DAB1: variants seen among roughly 807,000 people sequenced by gnomAD.
DAB1 encodes the protein disabled homolog 1.
Under a neutral mutation model 64.6 loss-of-function variants are expected in DAB1, and 15 were observed. The observed-to-expected ratio is 0.23, with a 90% CI of 0.16 to 0.36. The LOEUF (loss-of-function observed/expected upper bound fraction) is 0.36. Ranked by LOEUF, DAB1 falls within the 10% of genes least tolerant of loss-of-function variation. The pLI is 1.00. For missense variants in DAB1, 596 were observed against 706.7 expected, an observed-to-expected ratio of 0.84 and a Z score of 1.78; for synonymous variants, 235 against 251.9, an observed-to-expected ratio of 0.93 and a Z score of 0.64.
At chr1:58,199,885 C>T in intron 4 of DAB1, among the ~76,000 whole-genome samples, 1 of 152,152 alleles carries the variant, frequency 6.6e-6, no homozygotes, top group African/African-American at 2.4e-5. Flanking sequence ...TGCACGGACC[C>T]AAGTTTCTTC....
At chr1:57,388,405 T>C (rs2100993236) in intron 1 of DAB1, among the ~76,000 whole-genome samples, 1 of 152,296 alleles carries the variant, frequency 6.6e-6, no homozygotes, top group Non-Finnish European at 1.5e-5. Flanking sequence ...TCTGGCATTT[T>C]CTGCTCTTTG....
At chr1:57,001,847 G>C (rs1645881001) in intron 14 of DAB1, among the ~76,000 whole-genome samples, 1 of 152,162 alleles carries the variant, frequency 6.6e-6, no homozygotes, top group Admixed American at 6.5e-5. Context: ...GGACTCTGCA[G>C]GTGACACGAG....
intron 7 of DAB1, among the ~76,000 whole-genome samples, chr1:57,556,455 T>G (rs1042278919): frequency 2.6e-5 from 4 of 152,138 alleles, no homozygotes; most frequent in African/African-American, 9.7e-5. Context: ...TTTTTTTAAA[T>G]TTTTATTATG....
At chr1:57,212,669 A>C (rs868225650) in intron 2 of DAB1, among the ~76,000 whole-genome samples, 64 of 151,998 alleles carry the variant, frequency 4.2e-4, no homozygotes, top group Admixed American at 1.1e-3. Context: ...GCCCCGCCTT[A>C]TTTCATTATT....
At chr1:57,576,014 A>G (rs866720203) in intron 7 of DAB1, among the ~76,000 whole-genome samples, 1 of 152,252 alleles carries the variant, frequency 6.6e-6, no homozygotes, top group South Asian at 2.1e-4. Context: ...AGATGTAATT[A>G]CAGGCAGTCC....
intron 3 of DAB1, among the ~76,000 whole-genome samples, chr1:58,384,904 G>C (rs988813163): frequency 2.0e-5 from 3 of 152,242 alleles, no homozygotes; most frequent in African/African-American, 7.2e-5. Context: ...CAGCTGATTA[G>C]ATGGTGCCCA....
chr1:57,568,602 A>C (rs1247017535), intron 7 of DAB1, among the ~76,000 whole-genome samples: 3 of 152,230 alleles, frequency 2.0e-5, no homozygotes, highest in African/African-American at 4.8e-5. Context: ...CAACCTCATC[A>C]AAAACCGGGC....
At chr1:57,924,817 T>C (rs1445676481) in intron 5 of DAB1, among the ~76,000 whole-genome samples, 1 of 151,968 alleles carries the variant, frequency 6.6e-6, no homozygotes, top group Admixed American at 6.6e-5. Flanking sequence ...ATATTAATAA[T>C]TGATCCTCCT....
chr1:58,256,342 T>G (rs1660928878), intron 4 of DAB1, among the ~76,000 whole-genome samples: 1 of 152,182 alleles, frequency 6.6e-6, no homozygotes, highest in African/African-American at 2.4e-5. Context: ...ACTACGAGCT[T>G]CTTTCTCCAG....
chr1:58,251,276 T>C (rs186490900), intron 4 of DAB1, among the ~76,000 whole-genome samples: 67 of 152,338 alleles, frequency 4.4e-4, no homozygotes, highest in Non-Finnish European at 8.2e-4. Flanking sequence ...TGAGCCTACC[T>C]CTACTTTATG....
At chr1:58,041,831 A>T (rs1447776137) in intron 5 of DAB1, among the ~76,000 whole-genome samples, 2 of 152,112 alleles carry the variant, frequency 1.3e-5, no homozygotes, top group Non-Finnish European at 2.9e-5. Flanking sequence ...TCAACTAGCC[A>T]CTCCCAGAGT....
At chr1:57,077,304 T>C (rs1210691058) in intron 4 of DAB1, among the ~76,000 whole-genome samples, 1 of 152,174 alleles carries the variant, frequency 6.6e-6, no homozygotes, top group African/African-American at 2.4e-5. Flanking sequence ...CAGAGAAAGA[T>C]CCATGTCTGG....
intron 6 of DAB1, among the ~76,000 whole-genome samples, chr1:57,753,586 G>A (rs3131735): frequency 0.43 from 65,729 of 151,964 alleles, 15,629 homozygotes; most frequent in African/African-American, 0.64. Flanking sequence ...ATAACAAAAA[G>A]GTGTTAGGTG....
At chr1:58,431,002 G>A (rs1038058157) in intron 3 of DAB1, among the ~76,000 whole-genome samples, 5 of 152,146 alleles carry the variant, frequency 3.3e-5, no homozygotes, top group Non-Finnish European at 5.9e-5. Context: ...ATTCTCTGGG[G>A]ATCCCTGAGG....
chr1:58,386,715 T>C (rs1342363514), intron 3 of DAB1, among the ~76,000 whole-genome samples: 1 of 152,200 alleles, frequency 6.6e-6, no homozygotes, highest in Non-Finnish European at 1.5e-5. Flanking sequence ...ATCCATACCC[T>C]ACCTCTTTTA....
chr1:57,446,582 G>A (rs927014402), intron 7 of DAB1, among the ~76,000 whole-genome samples: 3 of 126,556 alleles, frequency 2.4e-5, no homozygotes, highest in African/African-American at 8.7e-5. Flanking sequence ...TGAGCAACAA[G>A]AGCAAAACTC....
At chr1:58,036,218 G>C (rs1647043240) in intron 5 of DAB1, among the ~76,000 whole-genome samples, 1 of 152,162 alleles carries the variant, frequency 6.6e-6, no homozygotes, top group Non-Finnish European at 1.5e-5. Context: ...TAATTCATTT[G>C]CTCTTCACAA....
intron 3 of DAB1, among the ~76,000 whole-genome samples, chr1:58,404,290 A>G (rs1386706232): frequency 6.6e-6 from 1 of 152,224 alleles, no homozygotes; most frequent in African/African-American, 2.4e-5. Context: ...ATTGCCTGAC[A>G]AGACACTGTG....
chr1:57,221,745 C>T (rs1666892380), intron 2 of DAB1, among the ~76,000 whole-genome samples: 1 of 152,130 alleles, frequency 6.6e-6, no homozygotes, highest in South Asian at 2.1e-4. Flanking sequence ...TTCATTTTCT[C>T]AGAGAAGGGT....
Sources: gnomAD v4.1 joint callset for allele counts (sites outside exome capture counted in the v4.1 genomes callset) on GRCh38, gnomAD v4.1.1 for gene constraint, MANE v1.5 for transcripts, NCBI Gene and HGNC (gene_info 2026-07-23, HGNC 2026-07-21) for gene names.